Variants in STRN observed in about 807,000 individuals in gnomAD.
STRN encodes the protein protein phosphatase 2 regulatory subunit B'''alpha.
A neutral mutation model predicts 96.3 loss-of-function variants in STRN; 53 were observed. That is an observed-to-expected ratio of 0.55 (90% CI 0.44 to 0.69). STRN has a LOEUF of 0.69. Ranked by LOEUF, STRN falls within the 30% of genes least tolerant of loss-of-function variation. The pLI is 0.00. For synonymous variants in STRN, 428 were observed against 355.9 expected (o/e 1.20, Z -2.28); for missense variants, 987 against 963.9 (o/e 1.02, Z -0.32).
At chr2:36,883,842 T>C in intron 9 of STRN, 90 bp downstream of exon 9, 1 of 1,195,414 alleles carries the variant, frequency 8.4e-7, no homozygotes, top group Non-Finnish European at 1.1e-6. Context: ...AGAATAAAGT[T>C]CTCTCTAATA....
chr2:36,961,798 T>C (rs141070894), intron 1 of STRN, among the ~76,000 whole-genome samples: 111 of 152,282 alleles, frequency 7.3e-4, no homozygotes, highest in Non-Finnish European at 1.0e-3. Context: ...CTGTCTGACA[T>C]GACTTCTTCC....
chr2:36,906,336 G>T (rs867716646), intron 3 of STRN, among the ~76,000 whole-genome samples: 1 of 151,912 alleles, frequency 6.6e-6, no homozygotes, highest in Non-Finnish European at 1.5e-5. Context: ...GCACGCAGCT[G>T]TGGTCCCAGC....
At chr2:36,962,425 A>T (rs1665050140) in intron 1 of STRN, among the ~76,000 whole-genome samples, 1 of 152,056 alleles carries the variant, frequency 6.6e-6, no homozygotes, top group African/African-American at 2.4e-5. Flanking sequence ...CTTTCTCATA[A>T]GTCAGTAATT....
At chr2:36,863,584 T>C (rs1431258967) in intron 12 of STRN, among the ~76,000 whole-genome samples, 2 of 152,218 alleles carry the variant, frequency 1.3e-5, no homozygotes, top group African/African-American at 2.4e-5. Flanking sequence ...CCCTGTAGTA[T>C]AGTTTGAAGT....
chr2:36,918,632 G>T (rs1246114837), intron 2 of STRN, among the ~76,000 whole-genome samples: 1 of 151,938 alleles, frequency 6.6e-6, no homozygotes, highest in African/African-American at 2.4e-5. Flanking sequence ...TTAAAAAACA[G>T]ACAAAGGCAA....
intron 4 of STRN, among the ~76,000 whole-genome samples, chr2:36,905,099 A>G (rs994556762): frequency 2.0e-5 from 3 of 151,982 alleles, no homozygotes; most frequent in Non-Finnish European, 4.4e-5. Context: ...CCTCCCAAGA[A>G]GCTGGGATTA....
Position 36,966,459 on chromosome 2 carries a change from T to C in STRN, c.5A>G (p.Asp2Gly). M[D>G]EQAGPGVFFS... ...GAAGACGCCGGGACCCGCCTGCTCG[T>C]CCATGGCGGCCGCAGATACCCGGGG... The change falls in exon 1 of 18, where the codon GAC becomes GGC. Residue 2 changes from aspartate to glycine, a missense_variant. Physicochemically the swap from Asp to Gly is moderately conservative, Grantham distance 94. Coordinates refer to ENST00000263918, the MANE Select transcript of STRN (RefSeq NM_003162.4). The C allele has an allele frequency of 6.9e-7, 1 of 1,455,968 alleles. No individual in the cohort carries two copies. The highest frequency in any genetic ancestry group is 9.0e-7 in the Non-Finnish European group (1 of 1,106,132). 90.2% of individuals were successfully genotyped at this position (1,455,968 alleles called of 1,614,324 possible).
intron 3 of STRN, among the ~76,000 whole-genome samples, chr2:36,911,309 T>C (rs1218683326): frequency 1.3e-5 from 2 of 152,196 alleles, no homozygotes; most frequent in Non-Finnish European, 2.9e-5. Flanking sequence ...TGCAAACTGA[T>C]TGTCTGAGCA....
In STRN at chr2:36,867,808, A is replaced by G; in HGVS notation, c.1547+6T>C. ...GGTTTAAAATAAAGAAAAAACATAT[A>G]CTTACTTATGGGCTCTGAATGTATA... On this transcript the variant is annotated splice_donor_region_variant and intron_variant, in intron 12 of 17. Coordinates refer to ENST00000263918, the MANE Select transcript of STRN (RefSeq NM_003162.4). 6.4e-7 allele frequency: 1 copy of G among 1,552,532 alleles called. No homozygotes were observed. The highest frequency in any genetic ancestry group is 8.7e-7 in the Non-Finnish European group (1 of 1,148,162).
chr2:36,927,643 C>T (rs1193133207), intron 1 of STRN, among the ~76,000 whole-genome samples: 1 of 151,182 alleles, frequency 6.6e-6, no homozygotes, highest in Admixed American at 6.6e-5. Flanking sequence ...TCCTGGCCAA[C>T]ATACCAAGAC....
chr2:36,882,849 G>C (rs1377495953), intron 9 of STRN, among the ~76,000 whole-genome samples: 2 of 152,052 alleles, frequency 1.3e-5, no homozygotes, highest in Non-Finnish European at 2.9e-5. Context: ...GAACCACCAG[G>C]CTCAGCCTAA....
At chr2:36,915,127 G>A (rs1381671885) in intron 3 of STRN, among the ~76,000 whole-genome samples, 4 of 149,890 alleles carry the variant, frequency 2.7e-5, no homozygotes, top group Non-Finnish European at 5.9e-5. Flanking sequence ...AACCCGGGAG[G>A]TGGAGCTTGC....
intron 1 of STRN, among the ~76,000 whole-genome samples, chr2:36,961,272 G>A (rs1163721542): frequency 6.7e-6 from 1 of 150,208 alleles, no homozygotes; most frequent in African/African-American, 2.5e-5. Flanking sequence ...GACTAACCCG[G>A]CTAATTAAAA....
chr2:36,847,177 A>C lies in STRN; in HGVS notation c.*2279T>G, dbSNP rs1012631802. ...CTTTCAACAGTTCCATTTGCGCTAC[A>C]GTCTATGTATCTCATGGTTATTTTC... On this transcript the variant is annotated 3_prime_UTR_variant, in exon 18 of 18. Transcript: ENST00000263918. The C allele has an allele frequency of 6.6e-6, 1 of 152,192 alleles. No individual in the cohort carries two copies. The highest frequency in any genetic ancestry group is 1.5e-5 in the Non-Finnish European group (1 of 68,024). 9.4% of individuals were successfully genotyped at this position (152,192 alleles called of 1,614,324 possible). A position where few individuals can be genotyped will look rare whatever the true frequency, so the allele number is the denominator to read the frequency against.
chr2:36,899,791 C>T (rs1669636510), intron 5 of STRN, 133 bp from the exon 6 acceptor site: 1 of 819,338 alleles, frequency 1.2e-6, no homozygotes, highest in Non-Finnish European at 1.8e-6. Flanking sequence ...TACATTGATT[C>T]TTATCAATTA....
At chr2:36,947,594 C>A (rs1021132934) in intron 1 of STRN, among the ~76,000 whole-genome samples, 1 of 148,696 alleles carries the variant, frequency 6.7e-6, no homozygotes, top group Non-Finnish European at 1.5e-5. Context: ...TATAAAATCA[C>A]TGAACTGTGT....
In STRN at chr2:36,838,269, TTTAA is replaced by T. The variant is rs1170768784; in HGVS notation, c.*11183_*11186del. On this transcript the variant is annotated 3_prime_UTR_variant, in exon 18 of 18. Coordinates refer to ENST00000263918, the MANE Select transcript of STRN (RefSeq NM_003162.4). ...GAGACAGGGACCTCCATCCTCTGAC[TTTAA>T]TGAGGCTGGAAGCGAATTCCTCCTC... Among the ~76,000 whole-genome samples, 18 of 152,320 alleles carry T rather than the reference TTTAA, an allele frequency of 1.2e-4. No homozygotes were observed. The highest frequency in any genetic ancestry group is 4.3e-4 in the African/African-American group (18 of 41,582).
chr2:36,949,498 G>A (rs1306503057), intron 1 of STRN, among the ~76,000 whole-genome samples: 2 of 152,240 alleles, frequency 1.3e-5, no homozygotes, highest in African/African-American at 2.4e-5. Context: ...GAAACCAGAA[G>A]TGAAATATTA....
chr2:36,903,678 T>A (rs1669746829), intron 4 of STRN, among the ~76,000 whole-genome samples: 1 of 152,180 alleles, frequency 6.6e-6, no homozygotes, highest in African/African-American at 2.4e-5. Context: ...CAAGATTTGG[T>A]CTTAGTTATT....
Sources: gnomAD v4.1 joint callset for allele counts (sites outside exome capture counted in the v4.1 genomes callset) on GRCh38, gnomAD v4.1.1 for gene constraint, MANE v1.5 for transcripts, NCBI Gene and HGNC (gene_info 2026-07-23, HGNC 2026-07-21) for gene names.